The following WWOX variants were observed in gnomAD, a reference collection of about 807,000 sequenced individuals.
WWOX encodes the protein WW domain containing oxidoreductase.
Under a neutral mutation model 46.2 loss-of-function variants are expected in WWOX, and 69 were observed. The observed-to-expected ratio is 1.49, with a 90% CI of 1.23 to 1.82. The LOEUF (loss-of-function observed/expected upper bound fraction) is 1.82, where lower values mean the gene tolerates loss of function less well. Among genes scored for constraint, WWOX ranks in the 40% most tolerant of loss-of-function variants. The pLI is 0.00. For synonymous variants in WWOX, 359 were observed against 202.6 expected, an observed-to-expected ratio of 1.77 and a Z score of -6.56; for missense variants, 919 against 542.6, an observed-to-expected ratio of 1.69 and a Z score of -6.89.
chr16:78,944,998 G>A (rs1032418516), intron 8 of WWOX, among the ~76,000 whole-genome samples: 2 of 152,234 alleles, frequency 1.3e-5, no homozygotes, highest in Middle Eastern at 3.4e-3. Context: ...GAGCAACATG[G>A]TGAAACCCCA....
intron 4 of WWOX, among the ~76,000 whole-genome samples, chr16:78,132,027 C>CTTT (rs1298818927): frequency 2.3e-5 from 3 of 128,516 alleles, no homozygotes; most frequent in Non-Finnish European, 5.1e-5. Flanking sequence ...TTTTCTTTTT[C>CTTT]TTTTTTTTTT....
chr16:78,732,619 T>A (rs1025568020), intron 8 of WWOX, among the ~76,000 whole-genome samples: 5 of 152,178 alleles, frequency 3.3e-5, no homozygotes, highest in African/African-American at 7.2e-5. Flanking sequence ...TAATCAATAA[T>A]CTTAGCTAAG....
intron 8 of WWOX, among the ~76,000 whole-genome samples, chr16:78,529,973 A>G (rs1301778890): frequency 2.0e-5 from 3 of 152,176 alleles, no homozygotes; most frequent in Non-Finnish European, 2.9e-5. Context: ...ACCCCTTTGC[A>G]GGCAGGAAGT....
At chr16:78,393,447 C>G (rs1290555732) in intron 6 of WWOX, among the ~76,000 whole-genome samples, 1 of 151,838 alleles carries the variant, frequency 6.6e-6, no homozygotes, top group Non-Finnish European at 1.5e-5. Flanking sequence ...TTGCTTAAGC[C>G]CAGAAACGTG....
chr16:78,897,964 T>A (rs907111937), intron 8 of WWOX: 1 of 151,542 alleles, frequency 6.6e-6, no homozygotes, highest in African/African-American at 2.4e-5. Flanking sequence ...ATATTTTCTT[T>A]CTGTGAACTG....
chr16:78,829,086 AGATGGATGGATG>A (rs59225171), intron 8 of WWOX, among the ~76,000 whole-genome samples: 168 of 147,718 alleles, frequency 1.1e-3, no homozygotes, highest in Middle Eastern at 3.5e-3. Context: ...TCCATCTGGA[AGATGGATGGATG>A]GATGGATGGA....
At chr16:78,647,766 C>T (rs571866236) in intron 8 of WWOX, among the ~76,000 whole-genome samples, 104 of 152,304 alleles carry the variant, frequency 6.8e-4, no homozygotes, top group Non-Finnish European at 1.2e-3. Flanking sequence ...TCTAACTGGA[C>T]CCAAGACAGA....
chr16:78,491,582 C>T (rs1443658554), intron 8 of WWOX, among the ~76,000 whole-genome samples: 1 of 152,118 alleles, frequency 6.6e-6, no homozygotes, highest in Non-Finnish European at 1.5e-5. Context: ...CCTACCTCAG[C>T]CTCCTGAGTA....
chr16:78,559,370 C>T (rs985802612), intron 8 of WWOX, among the ~76,000 whole-genome samples: 1 of 152,124 alleles, frequency 6.6e-6, no homozygotes, highest in African/African-American at 2.4e-5. Context: ...AGGCCAGAGC[C>T]AGGGATGGAT....
chr16:78,192,976 C>G (rs72806815), intron 5 of WWOX, among the ~76,000 whole-genome samples: 2 of 152,224 alleles, frequency 1.3e-5, no homozygotes, highest in Non-Finnish European at 2.9e-5. Flanking sequence ...TTTGTTTGCT[C>G]ATAACACATG....
At chr16:78,632,954 C>G (rs1367986463) in intron 8 of WWOX, among the ~76,000 whole-genome samples, 1 of 151,972 alleles carries the variant, frequency 6.6e-6, no homozygotes, top group Non-Finnish European at 1.5e-5. Flanking sequence ...TTTATTATCC[C>G]CATTTTACAG....
chr16:78,360,884 G>C (rs11150064), intron 5 of WWOX, among the ~76,000 whole-genome samples: 1 of 151,102 alleles, frequency 6.6e-6, no homozygotes, highest in Non-Finnish European at 1.5e-5. Context: ...ACAGTGGTAC[G>C]ATCATGGGTT....
At chr16:78,335,714 A>C (rs1311942620) in intron 5 of WWOX, among the ~76,000 whole-genome samples, 1 of 152,166 alleles carries the variant, frequency 6.6e-6, no homozygotes, top group Non-Finnish European at 1.5e-5. Context: ...AATTTTAACA[A>C]GTCTTCCATG....
intron 5 of WWOX, among the ~76,000 whole-genome samples, chr16:78,274,129 A>G (rs970606240): frequency 6.6e-6 from 1 of 152,174 alleles, no homozygotes; most frequent in African/African-American, 2.4e-5. Context: ...AACTGGAATC[A>G]CATCCTGGTC....
At chr16:78,921,180 T>C (rs2045369854) in intron 8 of WWOX, among the ~76,000 whole-genome samples, 1 of 152,052 alleles carries the variant, frequency 6.6e-6, no homozygotes, top group Non-Finnish European at 1.5e-5. Flanking sequence ...TCAAACACTG[T>C]AATGAGGGTA....
intron 8 of WWOX, among the ~76,000 whole-genome samples, chr16:79,133,413 G>A (rs1200263381): frequency 6.6e-6 from 1 of 152,150 alleles, no homozygotes; most frequent in Non-Finnish European, 1.5e-5. Flanking sequence ...TATAAACTAT[G>A]ACACACATTC....
chr16:78,802,611 A>C (rs2050919936), intron 8 of WWOX, among the ~76,000 whole-genome samples: 1 of 152,076 alleles, frequency 6.6e-6, no homozygotes, highest in Admixed American at 6.6e-5. Flanking sequence ...TGAGTGACTA[A>C]AGTAATGCAT....
At chr16:78,693,703 A>G (rs73571452) in intron 8 of WWOX, among the ~76,000 whole-genome samples, 173 of 152,202 alleles carry the variant, frequency 1.1e-3, no homozygotes, top group African/African-American at 4.0e-3. Context: ...GTGTGCTACT[A>G]ATCGCCCTCT....
At chr16:78,485,987 C>T (rs927767832) in intron 8 of WWOX, among the ~76,000 whole-genome samples, 2 of 152,162 alleles carry the variant, frequency 1.3e-5, no homozygotes, top group African/African-American at 2.4e-5. Flanking sequence ...ACCTAGGAGT[C>T]CATGTAGTTG....
Sources: allele counts gnomAD v4.1 joint callset (sites outside exome capture counted in the v4.1 genomes callset), GRCh38; gene constraint gnomAD v4.1.1; transcripts MANE v1.5; gene names NCBI Gene and HGNC (gene_info 2026-07-23, HGNC 2026-07-21).